The following LRRTM4 variants were observed in gnomAD, a reference collection of about 807,000 sequenced individuals.
The protein encoded by LRRTM4 is leucine-rich repeat transmembrane neuronal protein 4.
In LRRTM4, 25 loss-of-function variants were observed where a neutral mutation model predicts 47.6. That is an observed-to-expected ratio of 0.53 (90% CI 0.38 to 0.73). The LOEUF is 0.73. Among genes scored for constraint, LRRTM4 ranks in the 30% least tolerant of loss-of-function variants. The probability of loss-of-function intolerance (pLI) is 0.00; values close to 1 mark genes in which losing one functional copy is unlikely to be tolerated. For missense variants in LRRTM4, 638 were observed against 713.4 expected, an observed-to-expected ratio of 0.89 and a Z score of 1.20; for synonymous variants, 311 against 269.5, an observed-to-expected ratio of 1.15 and a Z score of -1.51.
chr2:77,267,877 T>C (rs1676090173), intron 3 of LRRTM4, among the ~76,000 whole-genome samples: 1 of 152,134 alleles, frequency 6.6e-6, no homozygotes. Context: ...TAAATTGAAG[T>C]CCTAAACATG....
chr2:76,824,607 G>A (rs941718720), intron 3 of LRRTM4, among the ~76,000 whole-genome samples: 7 of 151,424 alleles, frequency 4.6e-5, no homozygotes, highest in African/African-American at 1.7e-4. Context: ...ATCTCATTAG[G>A]GCCTTAACTA....
At chr2:76,861,843 T>C (rs1161822482) in intron 3 of LRRTM4, among the ~76,000 whole-genome samples, 1 of 152,150 alleles carries the variant, frequency 6.6e-6, no homozygotes, top group Admixed American at 6.5e-5. Context: ...CTCTTAAACG[T>C]AGAATGACAC....
At chr2:77,351,815 A>G (rs1671790561) in intron 3 of LRRTM4, among the ~76,000 whole-genome samples, 1 of 152,014 alleles carries the variant, frequency 6.6e-6, no homozygotes, top group African/African-American at 2.4e-5. Context: ...ACTATATATC[A>G]CAAACATTTT....
At chr2:76,959,748 G>T (rs979786827) in intron 3 of LRRTM4, among the ~76,000 whole-genome samples, 1 of 151,630 alleles carries the variant, frequency 6.6e-6, no homozygotes, top group African/African-American at 2.4e-5. Context: ...TAGGCTGTGG[G>T]GTGTGATTAT....
intron 3 of LRRTM4, among the ~76,000 whole-genome samples, chr2:77,259,030 T>A (rs993472267): frequency 1.3e-5 from 2 of 152,080 alleles, no homozygotes; most frequent in Non-Finnish European, 2.9e-5. Context: ...AAAATTACTG[T>A]AATTAAGTGT....
intron 3 of LRRTM4, among the ~76,000 whole-genome samples, chr2:76,901,952 G>A (rs1243627926): frequency 6.6e-6 from 1 of 152,132 alleles, no homozygotes; most frequent in East Asian, 1.9e-4. Flanking sequence ...TGTGGGCTAA[G>A]TGTTCACAGG....
At chr2:77,239,244 C>A (rs556127309) in intron 3 of LRRTM4, among the ~76,000 whole-genome samples, 1 of 151,814 alleles carries the variant, frequency 6.6e-6, no homozygotes, top group African/African-American at 2.4e-5. Context: ...AGTGTGCATA[C>A]TACATGGAGC....
intron 3 of LRRTM4, among the ~76,000 whole-genome samples, chr2:76,909,604 G>A (rs921159007): frequency 3.9e-5 from 6 of 151,918 alleles, no homozygotes; most frequent in Non-Finnish European, 7.4e-5. Context: ...ATTTGACAAA[G>A]GGCTAATATC....
At chr2:76,870,598 C>A (rs541473790) in intron 3 of LRRTM4, among the ~76,000 whole-genome samples, 1 of 152,258 alleles carries the variant, frequency 6.6e-6, no homozygotes, top group Non-Finnish European at 1.5e-5. Context: ...CTACACAGAG[C>A]AGCAGGCCTA....
At chr2:77,052,446 G>A (rs957916945) in intron 3 of LRRTM4, among the ~76,000 whole-genome samples, 1 of 151,964 alleles carries the variant, frequency 6.6e-6, no homozygotes, top group African/African-American at 2.4e-5. Context: ...TGGGATTACA[G>A]GTGTGAGCCA....
chr2:77,496,464 C>T (rs1678368310), intron 3 of LRRTM4, among the ~76,000 whole-genome samples: 1 of 151,800 alleles, frequency 6.6e-6, no homozygotes, highest in Admixed American at 6.6e-5. Context: ...ATCACCTTTT[C>T]ACAGAAGGTT....
chr2:77,344,301 C>T (rs1036751776), intron 3 of LRRTM4, among the ~76,000 whole-genome samples: 1 of 151,710 alleles, frequency 6.6e-6, no homozygotes, highest in Non-Finnish European at 1.5e-5. Flanking sequence ...TATAAACAGC[C>T]ATTACAATGA....
intron 3 of LRRTM4, among the ~76,000 whole-genome samples, chr2:76,808,053 T>C (rs1670605100): frequency 6.7e-6 from 1 of 148,628 alleles, no homozygotes; most frequent in African/African-American, 2.5e-5. Flanking sequence ...TGTTTTGCTC[T>C]TGTTGCCCAG....
intron 3 of LRRTM4, among the ~76,000 whole-genome samples, chr2:76,917,069 G>A (rs1055260527): frequency 2.0e-5 from 3 of 152,122 alleles, no homozygotes; most frequent in Non-Finnish European, 2.9e-5. Context: ...GTGTAGACCA[G>A]GGGTTGGCTA....
intron 3 of LRRTM4, among the ~76,000 whole-genome samples, chr2:77,069,386 ACT>A (rs1433528640): frequency 7.4e-6 from 1 of 135,114 alleles, no homozygotes; most frequent in Non-Finnish European, 1.6e-5. Context: ...GTCATATGGA[ACT>A]CTACATTTCA....
intron 3 of LRRTM4, among the ~76,000 whole-genome samples, chr2:77,447,888 A>G (rs1676114347): frequency 6.6e-6 from 1 of 152,168 alleles, no homozygotes; most frequent in South Asian, 2.1e-4. Flanking sequence ...GTTTCCACAC[A>G]AAGGTGTTAG....
chr2:77,482,790 T>C (rs1042643115), intron 3 of LRRTM4, among the ~76,000 whole-genome samples: 1 of 152,200 alleles, frequency 6.6e-6, no homozygotes, highest in Admixed American at 6.5e-5. Flanking sequence ...GTAAAACTTA[T>C]TTGTCCCTCT....
At chr2:77,231,713 T>A (rs1674970560) in intron 3 of LRRTM4, among the ~76,000 whole-genome samples, 1 of 152,080 alleles carries the variant, frequency 6.6e-6, no homozygotes, top group Admixed American at 6.6e-5. Flanking sequence ...GATATGGAGC[T>A]CACAGTGTAG....
intron 3 of LRRTM4, among the ~76,000 whole-genome samples, chr2:77,052,391 TCTC>T (rs1679466489): frequency 6.6e-6 from 1 of 151,664 alleles, no homozygotes; most frequent in African/African-American, 2.4e-5. Flanking sequence ...CTGGTCTCGA[TCTC>T]CTGACCTCAG....
Sources: allele counts gnomAD v4.1 joint callset (sites outside exome capture counted in the v4.1 genomes callset), GRCh38; gene constraint gnomAD v4.1.1; transcripts MANE v1.5; gene names NCBI Gene and HGNC (gene_info 2026-07-23, HGNC 2026-07-21).